The following IP6K1 variants were observed in gnomAD, a reference collection of about 807,000 sequenced individuals.
The protein encoded by IP6K1 is inositol hexakisphosphate kinase 1, also known as ATP:1D-myo-inositol-hexakisphosphate phosphotransferase.
Under a neutral mutation model 38.3 loss-of-function variants are expected in IP6K1, and 13 were observed. The ratio of observed to expected loss-of-function variants is 0.34; its 90% CI spans 0.22 to 0.54. IP6K1 has a LOEUF of 0.54. Among genes scored for constraint, IP6K1 ranks in the 20% least tolerant of loss-of-function variants. The pLI is 0.92. For synonymous variants in IP6K1, 212 were observed against 229.9 expected, an observed-to-expected ratio of 0.92 and a Z score of 0.70; for missense variants, 397 against 599.8, an observed-to-expected ratio of 0.66 and a Z score of 3.53.
At chr3:49,760,680 A>T (rs925010359) in intron 1 of IP6K1, among the ~76,000 whole-genome samples, 1 of 151,914 alleles carries the variant, frequency 6.6e-6, no homozygotes, top group East Asian at 1.9e-4. Flanking sequence ...GGTTCCAAAG[A>T]TACATCATTC....
intron 1 of IP6K1, among the ~76,000 whole-genome samples, chr3:49,755,096 CT>C (rs559780072): frequency 4.9e-4 from 55 of 111,956 alleles, no homozygotes; most frequent in South Asian, 8.7e-4. Flanking sequence ...CCAAGCCTGG[CT>C]TTTTTTTTTT....
At chr3:49,751,267 T>TGCCTCA (rs748959470) in intron 1 of IP6K1, among the ~76,000 whole-genome samples, 11 of 152,082 alleles carry the variant, frequency 7.2e-5, no homozygotes, top group South Asian at 2.1e-4. Flanking sequence ...GCGATTCTCG[T>TGCCTCA]GCCTCAGCCT....
At chr3:49,781,600 A>C (rs2081066317) in intron 1 of IP6K1, among the ~76,000 whole-genome samples, 6 of 152,184 alleles carry the variant, frequency 3.9e-5, no homozygotes. Flanking sequence ...TGTGCAGAGA[A>C]AGAGTATGTA....
intron 2 of IP6K1, among the ~76,000 whole-genome samples, chr3:49,746,207 T>C (rs1420877111): frequency 6.6e-6 from 1 of 151,830 alleles, no homozygotes; most frequent in Non-Finnish European, 1.5e-5. Context: ...CCTAGGCATA[T>C]ACCCAAAAGA....
intron 1 of IP6K1, among the ~76,000 whole-genome samples, chr3:49,753,120 C>T (rs1306423795): frequency 6.6e-6 from 1 of 152,088 alleles, no homozygotes; most frequent in African/African-American, 2.4e-5. Flanking sequence ...GCTCTGCATT[C>T]CTTCCCACCC....
intron 1 of IP6K1, among the ~76,000 whole-genome samples, chr3:49,756,838 A>AAAAAAAAAAAAAAAAAAAAAG (rs1559710132): frequency 1.7e-5 from 2 of 119,176 alleles, no homozygotes; most frequent in African/African-American, 7.3e-5. Context: ...AAAAAAAAAA[A>AAAAAAAAAAAAAAAAAAAAAG]AAAGAAAAAA....
chr3:49,750,924 GTACT>G (rs1176160969), intron 1 of IP6K1, among the ~76,000 whole-genome samples: 6 of 152,064 alleles, frequency 3.9e-5, no homozygotes, highest in Non-Finnish European at 8.8e-5. Flanking sequence ...TGTTTTGATG[GTACT>G]TTCTTAATAA....
intron 1 of IP6K1, among the ~76,000 whole-genome samples, chr3:49,776,955 C>T (rs995357228): frequency 7.2e-5 from 11 of 152,118 alleles, no homozygotes; most frequent in African/African-American, 1.9e-4. Flanking sequence ...TTTCACTGGG[C>T]CGGGCACAGT....
chr3:49,731,020 T>C (rs965274667), intron 4 of IP6K1, among the ~76,000 whole-genome samples: 3 of 151,782 alleles, frequency 2.0e-5, no homozygotes, highest in Admixed American at 6.6e-5. Context: ...TGTCTTGCCA[T>C]TTGTCACTCA....
chr3:49,732,755 C>A (rs757265260), intron 4 of IP6K1, 36 bp downstream of exon 4: 1 of 1,577,888 alleles, frequency 6.3e-7, no homozygotes, highest in African/African-American at 1.3e-5. Flanking sequence ...CCTATGGACC[C>A]AGTAGACACT....
chr3:49,741,762 T>C (rs1040578736), intron 2 of IP6K1, among the ~76,000 whole-genome samples: 2 of 152,164 alleles, frequency 1.3e-5, no homozygotes, highest in African/African-American at 4.8e-5. Flanking sequence ...TGTCAGCTCA[T>C]GGAGTCCTTC....
chr3:49,762,077 G>C (rs2080872765), intron 1 of IP6K1, among the ~76,000 whole-genome samples: 1 of 152,080 alleles, frequency 6.6e-6, no homozygotes, highest in Non-Finnish European at 1.5e-5. Context: ...TCAGCCCTGA[G>C]AGTAACTAAA....
intron 1 of IP6K1, among the ~76,000 whole-genome samples, chr3:49,764,120 T>C (rs1027201787): frequency 1.3e-5 from 2 of 151,840 alleles, no homozygotes; most frequent in Non-Finnish European, 2.9e-5. Context: ...CGGTGGCTCA[T>C]GCCTGTAATT....
chr3:49,740,486 TACCCA>T (rs2080657042), intron 2 of IP6K1, among the ~76,000 whole-genome samples: 2 of 152,180 alleles, frequency 1.3e-5, no homozygotes, highest in South Asian at 4.1e-4. Context: ...AAAAATGCTG[TACCCA>T]TTAAGCAGTA....
At chr3:49,756,394 T>C (rs1286742809) in intron 1 of IP6K1, among the ~76,000 whole-genome samples, 1 of 152,216 alleles carries the variant, frequency 6.6e-6, no homozygotes, top group African/African-American at 2.4e-5. Flanking sequence ...TAAATACATT[T>C]TTTAGTAAAG....
At chr3:49,755,632 A>C (rs1051452678) in intron 1 of IP6K1, among the ~76,000 whole-genome samples, 1 of 152,216 alleles carries the variant, frequency 6.6e-6, no homozygotes, top group Non-Finnish European at 1.5e-5. Context: ...ACTCTAACAG[A>C]AAAGAACAAC....
intron 2 of IP6K1, among the ~76,000 whole-genome samples, chr3:49,743,241 TACACACACACACACACACACAC>T (rs202144754): frequency 2.2e-5 from 3 of 137,306 alleles, no homozygotes; most frequent in Middle Eastern, 3.7e-3. Flanking sequence ...AAAAACAAAA[TACACACACACACACACACACAC>T]ACACACACAC....
chr3:49,732,712 C>T, intron 4 of IP6K1, 79 bp downstream of exon 4: 2 of 1,197,900 alleles, frequency 1.7e-6, no homozygotes, highest in Non-Finnish European at 2.3e-6. Flanking sequence ...ACAAAGACCT[C>T]AGCCATAGGC....
chr3:49,740,911 T>C (rs1390484902), intron 2 of IP6K1, among the ~76,000 whole-genome samples: 2 of 151,494 alleles, frequency 1.3e-5, no homozygotes, highest in Non-Finnish European at 2.9e-5. Context: ...TGGAGTGCAG[T>C]GGTGCAACCT....
Sources: gnomAD v4.1 joint callset for allele counts (sites outside exome capture counted in the v4.1 genomes callset) on GRCh38, gnomAD v4.1.1 for gene constraint, MANE v1.5 for transcripts, NCBI Gene and HGNC (gene_info 2026-07-23, HGNC 2026-07-21) for gene names.